Variants in CHCHD6 observed in about 807,000 individuals in gnomAD.
The protein encoded by CHCHD6 is MICOS complex subunit MIC25.
A neutral mutation model predicts 32.3 loss-of-function variants in CHCHD6; 28 were observed. The ratio of observed to expected loss-of-function variants is 0.87; its 90% CI spans 0.64 to 1.19. The LOEUF (loss-of-function observed/expected upper bound fraction) is 1.19. Among genes scored for constraint, CHCHD6 ranks in the 50% most tolerant of loss-of-function variants. The pLI is 0.00. For synonymous variants in CHCHD6, 122 were observed against 117.5 expected, an observed-to-expected ratio of 1.04 and a Z score of -0.25; for missense variants, 333 against 307.0, an observed-to-expected ratio of 1.08 and a Z score of -0.63.
At chr3:126,815,654 C>T (rs552704609) in intron 4 of CHCHD6, among the ~76,000 whole-genome samples, 2 of 147,890 alleles carry the variant, frequency 1.4e-5, no homozygotes, top group Admixed American at 1.3e-4. Context: ...CCCCCCCCCC[C>T]CCATCTGTGT....
chr3:126,782,328 G>A (rs941953450), intron 4 of CHCHD6, among the ~76,000 whole-genome samples: 2 of 152,194 alleles, frequency 1.3e-5, no homozygotes, highest in Non-Finnish European at 2.9e-5. Context: ...TTTGGATGTT[G>A]CCCACTTCCC....
chr3:126,895,807 T>C (rs1349407793), intron 5 of CHCHD6, among the ~76,000 whole-genome samples: 2 of 152,226 alleles, frequency 1.3e-5, no homozygotes, highest in African/African-American at 2.4e-5. Flanking sequence ...TTGGTAGGAA[T>C]AGGCATGAGT....
At chr3:126,829,765 T>C (rs1940556959) in intron 4 of CHCHD6, among the ~76,000 whole-genome samples, 1 of 152,190 alleles carries the variant, frequency 6.6e-6, no homozygotes, top group South Asian at 2.1e-4. Flanking sequence ...TGCTGGCACA[T>C]TGATCTTGGA....
At chr3:126,799,886 A>C (rs1938983665) in intron 4 of CHCHD6, among the ~76,000 whole-genome samples, 1 of 152,220 alleles carries the variant, frequency 6.6e-6, no homozygotes, top group Non-Finnish European at 1.5e-5. Context: ...TTTTGTAAAC[A>C]GTCTTTTTCA....
intron 1 of CHCHD6, among the ~76,000 whole-genome samples, chr3:126,713,632 G>A (rs562502955): frequency 1.3e-5 from 2 of 152,242 alleles, no homozygotes; most frequent in South Asian, 4.2e-4. Context: ...AGTGCCCTGG[G>A]CCAAAATGAT....
chr3:126,951,231 G>A (rs1250515798), intron 6 of CHCHD6, among the ~76,000 whole-genome samples: 1 of 152,152 alleles, frequency 6.6e-6, no homozygotes, highest in Non-Finnish European at 1.5e-5. Flanking sequence ...CACTATGATT[G>A]TAAGTTTCCT....
chr3:126,914,831 C>A, intron 6 of CHCHD6, 81 bp downstream of exon 6: 1 of 782,898 alleles, frequency 1.3e-6, no homozygotes, highest in Non-Finnish European at 2.3e-6. Context: ...CCTGCCACCA[C>A]CTGCCTAATT....
At chr3:126,796,316 C>T (rs1191895262) in intron 4 of CHCHD6, among the ~76,000 whole-genome samples, 1 of 152,182 alleles carries the variant, frequency 6.6e-6, no homozygotes. Context: ...TGCCACTGCA[C>T]TCCAGCCTGA....
At chr3:126,763,104 G>A (rs965834149) in intron 4 of CHCHD6, among the ~76,000 whole-genome samples, 1 of 152,012 alleles carries the variant, frequency 6.6e-6, no homozygotes, top group Non-Finnish European at 1.5e-5. Context: ...CTTCATTTCT[G>A]CCTTCTTTTG....
At chr3:126,740,168 T>A (rs1388129299) in intron 4 of CHCHD6, among the ~76,000 whole-genome samples, 2 of 152,142 alleles carry the variant, frequency 1.3e-5, no homozygotes, top group African/African-American at 4.8e-5. Context: ...TCATCTAAGT[T>A]TTCCTGACTG....
Position 126,816,097 on chromosome 3 carries a change from C to A in CHCHD6, c.412-36550C>A, listed in dbSNP as rs185936308. 3.9e-5 allele frequency among the ~76,000 whole-genome samples: 6 copies of A among 152,272 alleles called. No individual in the cohort carries two copies. In the East Asian group the frequency reaches 1.2e-3, roughly 29 times the overall value. On this transcript the variant is annotated intron_variant, in intron 4 of 7. Coordinates refer to ENST00000290913, the MANE Select transcript of CHCHD6 (RefSeq NM_032343.3). Reference sequence around the variant, plus strand: ...ACTTTTCTCTTCCTCCCTGTCCTCCCCCTCCCCCTCTGCATCTTCCTCCTC... The same window carrying A: ...ACTTTTCTCTTCCTCCCTGTCCTCCACCTCCCCCTCTGCATCTTCCTCCTC...
At chr3:126,747,875 G>A (rs2107666418) in intron 4 of CHCHD6, among the ~76,000 whole-genome samples, 1 of 152,302 alleles carries the variant, frequency 6.6e-6, no homozygotes, top group South Asian at 2.1e-4. Flanking sequence ...GCTAGAGGCT[G>A]GATGGTTGGG....
Position 126,953,100 on chromosome 3 carries a change from A to C in CHCHD6, c.567-4316A>C, listed in dbSNP as rs2078738162. The stretch of plus-strand genomic sequence containing the variant: ...CCTGCCATTCTCCTGCCATCCTCTC[A>C]ACAGCTCTGTGGGGTGGGGTCCTCC... On this transcript the variant is annotated intron_variant, in intron 6 of 7. Coordinates refer to ENST00000290913, the MANE Select transcript of CHCHD6 (RefSeq NM_032343.3). 4 of 985,466 alleles carry C rather than the reference A, an allele frequency of 4.1e-6. No homozygotes were observed. In the South Asian group the frequency reaches 1.9e-4, roughly 46 times the overall value. 61.0% of individuals were successfully genotyped at this position (985,466 alleles called of 1,614,324 possible). A position where few individuals can be genotyped will look rare whatever the true frequency, so the allele number is the denominator to read the frequency against.
chr3:126,843,178 A>T lies in CHCHD6; in HGVS notation c.412-9469A>T, dbSNP rs369825378. ...GCTTTTCTTACATCTATTGAAAATG[A>T]TCGTATGATTGTCTTCTTATTCTTT... On this transcript the variant is annotated intron_variant, in intron 4 of 7. Coordinates refer to ENST00000290913, the MANE Select transcript of CHCHD6 (RefSeq NM_032343.3). 9.9e-5 allele frequency among the ~76,000 whole-genome samples: 15 copies of T among 152,218 alleles called. No homozygotes were observed. In the East Asian group the frequency reaches 1.7e-3, roughly 18 times the overall value.
rs867029364 is a variant in CHCHD6 at position 126,894,858 on chromosome 3, T to C, written c.496-19822T>C. Among the ~76,000 whole-genome samples, 6 of 152,216 alleles carry C rather than the reference T, an allele frequency of 3.9e-5. No individual in the cohort carries two copies. The South Asian group carries it at 8.3e-4, about 21-fold the overall frequency. On this transcript the variant is annotated intron_variant, in intron 5 of 7. Coordinates refer to ENST00000290913, the MANE Select transcript of CHCHD6 (RefSeq NM_032343.3). ...CTGCAAAGACATGTGCAACAAAAGG[T>C]GCTTTCCATTTACCACTTCATGTAA...
intron 2 of CHCHD6, among the ~76,000 whole-genome samples, chr3:126,728,214 A>G (rs1935627485): frequency 6.6e-6 from 1 of 152,146 alleles, no homozygotes; most frequent in Non-Finnish European, 1.5e-5. Flanking sequence ...AGACACAGTG[A>G]TAGGTGGGCA....
At chr3:126,867,323 A>C (rs1193077395) in intron 5 of CHCHD6, among the ~76,000 whole-genome samples, 1 of 152,146 alleles carries the variant, frequency 6.6e-6, no homozygotes, top group African/African-American at 2.4e-5. Context: ...CTCATCTCAA[A>C]GTGATTCCTA....
At chr3:126,830,575 G>C (rs1273679001) in intron 4 of CHCHD6, among the ~76,000 whole-genome samples, 1 of 152,220 alleles carries the variant, frequency 6.6e-6, no homozygotes, top group African/African-American at 2.4e-5. Context: ...CTTTGGGGTA[G>C]AAACCTTCTT....
At chr3:126,738,957 G>A (rs529012691) in intron 4 of CHCHD6, among the ~76,000 whole-genome samples, 8 of 152,302 alleles carry the variant, frequency 5.3e-5, no homozygotes, top group Admixed American at 5.2e-4. Context: ...AGGTTGTGAA[G>A]TATACTACCT....
Sources: gnomAD v4.1 joint callset for allele counts (sites outside exome capture counted in the v4.1 genomes callset) on GRCh38, gnomAD v4.1.1 for gene constraint, MANE v1.5 for transcripts, NCBI Gene and HGNC (gene_info 2026-07-23, HGNC 2026-07-21) for gene names.